Variants in GLIS3 observed in about 807,000 individuals in gnomAD.
GLIS3 encodes the protein GLIS family zinc finger 3.
GLIS3 carries 53 observed loss-of-function variants against 78.6 expected under a neutral mutation model. The ratio of observed to expected loss-of-function variants is 0.67; its 90% CI spans 0.54 to 0.85. The LOEUF (loss-of-function observed/expected upper bound fraction) is 0.85, where lower values mean the gene tolerates loss of function less well. GLIS3 is among the 40% of genes least tolerant of loss of function. GLIS3 has a pLI of 0.00. For synonymous variants in GLIS3, 684 were observed against 509.9 expected, an observed-to-expected ratio of 1.34 and a Z score of -4.60; for missense variants, 1,703 against 1,231.1, an observed-to-expected ratio of 1.38 and a Z score of -5.74.
At chr9:4,439,544 T>C in the GLIS3 span, among the ~76,000 whole-genome samples, 1 of 152,208 alleles carries the variant, frequency 6.6e-6, no homozygotes, top group African/African-American at 2.4e-5. Context: ...ATTGATTATA[T>C]ATCCTTTGAC....
At chr9:4,373,958 G>C in the GLIS3 span, among the ~76,000 whole-genome samples, 437 of 152,120 alleles carry the variant, frequency 2.9e-3, 2 homozygotes, top group African/African-American at 9.5e-3. Context: ...GAGCCACCGC[G>C]CCTGGCCGAA....
intron 9 of GLIS3, among the ~76,000 whole-genome samples, chr9:3,852,360 A>G (rs963763972): frequency 6.6e-6 from 1 of 152,116 alleles, no homozygotes; most frequent in African/African-American, 2.4e-5. Context: ...AAAACCACGA[A>G]GTTTTTGAAA....
At chr9:4,063,093 A>C (rs919950574) in intron 4 of GLIS3, among the ~76,000 whole-genome samples, 13 of 152,156 alleles carry the variant, frequency 8.5e-5, no homozygotes, top group African/African-American at 3.1e-4. Context: ...TATCTGCAAA[A>C]AAAAACAATG....
intron 2 of GLIS3, among the ~76,000 whole-genome samples, chr9:4,193,688 G>C (rs974890785): frequency 1.3e-5 from 2 of 152,222 alleles, no homozygotes; most frequent in Non-Finnish European, 2.9e-5. Flanking sequence ...GAAGATGGTG[G>C]TGTCCCCACC....
At chr9:4,248,536 G>A (rs974147052) in intron 2 of GLIS3, among the ~76,000 whole-genome samples, 3 of 152,146 alleles carry the variant, frequency 2.0e-5, no homozygotes, top group African/African-American at 7.2e-5. Context: ...TGTAAATAGT[G>A]CTGCAATAAA....
At chr9:4,004,680 G>A (rs1016632772) in intron 4 of GLIS3, among the ~76,000 whole-genome samples, 1 of 152,164 alleles carries the variant, frequency 6.6e-6, no homozygotes, top group South Asian at 2.1e-4. Flanking sequence ...GGAAATGGGG[G>A]TACTGCTTAT....
At chr9:3,852,318 G>C (rs995346495) in intron 9 of GLIS3, among the ~76,000 whole-genome samples, 2 of 152,162 alleles carry the variant, frequency 1.3e-5, no homozygotes, top group East Asian at 1.9e-4. Flanking sequence ...ACGGCAGGGA[G>C]TATAGAAGAA....
chr9:4,256,198 T>C (rs1824920613), intron 2 of GLIS3, among the ~76,000 whole-genome samples: 1 of 152,116 alleles, frequency 6.6e-6, no homozygotes, highest in Non-Finnish European at 1.5e-5. Context: ...CACAGTTCAA[T>C]GAGAATAAGA....
At chr9:3,858,729 A>T (rs1219923081) in intron 8 of GLIS3, among the ~76,000 whole-genome samples, 1 of 152,210 alleles carries the variant, frequency 6.6e-6, no homozygotes, top group Non-Finnish European at 1.5e-5. Context: ...CAAAAATGTT[A>T]ACTTTTATAC....
intron 2 of GLIS3, among the ~76,000 whole-genome samples, chr9:4,217,230 G>A (rs907385979): frequency 5.3e-5 from 8 of 152,206 alleles, no homozygotes; most frequent in African/African-American, 1.7e-4. Flanking sequence ...AAGAATGTGT[G>A]CTGGGAAGAA....
At chr9:4,326,752 A>T (rs1296706097) in intron 2 of GLIS3, among the ~76,000 whole-genome samples, 2 of 152,226 alleles carry the variant, frequency 1.3e-5, no homozygotes, top group African/African-American at 4.8e-5. Context: ...GCAAGGACAA[A>T]AAAAATGAGA....
rs1831821267 is a variant in GLIS3 at position 4,118,030 on chromosome 9, G to C, written c.1448C>G (p.Pro483Arg). The C allele has an allele frequency of 6.2e-7, 1 of 1,600,036 alleles. No individual in the cohort carries two copies. Among genetic ancestry groups the C allele is most frequent in the Non-Finnish European group, 8.5e-7 (1 of 1,173,124 alleles). ...LGPHAQQLAL[P>R]QATLDDDGEM... Reference sequence around the variant, plus strand: ...CCCGTCGTCGTCCAGGGTGGCCTGGGGCAAGGCCAGCTGCTGGGCGTGGGG... The same window carrying C: ...CCCGTCGTCGTCCAGGGTGGCCTGGCGCAAGGCCAGCTGCTGGGCGTGGGG... Residue 483 changes from proline to arginine, a missense_variant, in exon 4 of 11, where the codon CCC (proline) becomes CGC (arginine). By Grantham distance (103) the Pro-to-Arg change is moderately radical (BLOSUM62 -2). Coordinates refer to ENST00000381971, the MANE Select transcript of GLIS3 (RefSeq NM_001042413.2). The surrounding 1 kb of genome is among the most constrained non-coding windows in gnomAD (Gnocchi z 4.7).
the GLIS3 span, among the ~76,000 whole-genome samples, chr9:4,466,711 G>A: frequency 6.6e-6 from 1 of 152,184 alleles, no homozygotes; most frequent in Non-Finnish European, 1.5e-5. Flanking sequence ...ACAGCTCCCA[G>A]CGTGAGCGAC....
At chr9:4,468,845 T>C in the GLIS3 span, among the ~76,000 whole-genome samples, 1 of 152,060 alleles carries the variant, frequency 6.6e-6, no homozygotes, top group South Asian at 2.1e-4. Context: ...GACTGGCAAA[T>C]TGGATAAAGA....
chr9:4,009,725 G>A (rs752919025), intron 4 of GLIS3, among the ~76,000 whole-genome samples: 26 of 152,220 alleles, frequency 1.7e-4, no homozygotes, highest in Non-Finnish European at 2.2e-4. Flanking sequence ...CCACCAGAGC[G>A]GTGGGCTGAA....
chr9:4,191,459 A>C (rs1462388740), intron 2 of GLIS3, among the ~76,000 whole-genome samples: 1 of 152,202 alleles, frequency 6.6e-6, no homozygotes, highest in Non-Finnish European at 1.5e-5. Context: ...TTTAAGATGG[A>C]ATTTACTTGT....
chr9:4,271,967 G>A (rs931246341), intron 2 of GLIS3, among the ~76,000 whole-genome samples: 10 of 152,008 alleles, frequency 6.6e-5, no homozygotes, highest in Non-Finnish European at 5.9e-5. Flanking sequence ...ATAATGCAGG[G>A]GATCCATAAA....
rs182345735 is a variant in GLIS3 at position 4,055,912 on chromosome 9, C to T, written c.1710+61856G>A. ...GTTGAATGAACATCGATGGCAGTGA[C>T]GGAGGAAGGAAGGAAGTCTATATTC... is the stretch of plus-strand genomic sequence containing the variant. On this transcript the variant is annotated intron_variant, in intron 4 of 10. Coordinates refer to ENST00000381971, the MANE Select transcript of GLIS3 (RefSeq NM_001042413.2). Among the ~76,000 whole-genome samples, 120 of 152,138 alleles carry T rather than the reference C, an allele frequency of 7.9e-4. 1 individual carries two copies. Among genetic ancestry groups the T allele is most frequent in the South Asian group, 4.2e-4 (2 of 4,818 alleles).
chr9:4,113,875 G>A, intron 4 of GLIS3, among the ~76,000 whole-genome samples: 1 of 152,180 alleles, frequency 6.6e-6, no homozygotes, highest in East Asian at 1.9e-4. Flanking sequence ...GTGGAGAAAT[G>A]AGTCAATTCA....
Sources: allele counts gnomAD v4.1 joint callset (sites outside exome capture counted in the v4.1 genomes callset), GRCh38; gene constraint gnomAD v4.1.1; non-coding constraint Gnocchi (gnomAD v3.1); transcripts MANE v1.5; gene names NCBI Gene and HGNC (gene_info 2026-07-23, HGNC 2026-07-21).